The following DPYD variants were observed in gnomAD, a reference collection of about 807,000 sequenced individuals.
DPYD encodes the protein dihydropyrimidine dehydrogenase.
A neutral mutation model predicts 116.2 loss-of-function variants in DPYD; 109 were observed. The observed-to-expected ratio is 0.94, with a 90% CI of 0.80 to 1.10. The LOEUF (loss-of-function observed/expected upper bound fraction) is 1.10. Among genes scored for constraint, DPYD ranks in the 50% least tolerant of loss-of-function variants. The probability of loss-of-function intolerance (pLI) is 0.00; values close to 1 mark genes in which losing one functional copy is unlikely to be tolerated. For synonymous variants in DPYD, 440 were observed against 432.0 expected, an observed-to-expected ratio of 1.02 and a Z score of -0.23; for missense variants, 1,302 against 1,254.5, an observed-to-expected ratio of 1.04 and a Z score of -0.57.
chr1:97,912,577 T>C (rs571413097), intron 1 of DPYD, among the ~76,000 whole-genome samples: 2 of 152,262 alleles, frequency 1.3e-5, no homozygotes, highest in African/African-American at 4.8e-5. Flanking sequence ...TGACTATGTA[T>C]CTTTGGGGTC....
chr1:97,305,865 A>G (rs925457235), intron 17 of DPYD, among the ~76,000 whole-genome samples: 3 of 151,876 alleles, frequency 2.0e-5, no homozygotes, highest in African/African-American at 7.3e-5. Context: ...GAATTGTTAC[A>G]TTATGAGGTC....
chr1:97,355,302 C>T (rs1670371894), intron 16 of DPYD, among the ~76,000 whole-genome samples: 1 of 151,782 alleles, frequency 6.6e-6, no homozygotes, highest in Non-Finnish European at 1.5e-5. Flanking sequence ...ATTTGAGTTA[C>T]CAAGTGATGT....
intron 20 of DPYD, among the ~76,000 whole-genome samples, chr1:97,189,296 A>G (rs1033421574): frequency 6.6e-6 from 1 of 152,190 alleles, no homozygotes; most frequent in Admixed American, 6.6e-5. Flanking sequence ...GAATAGCTCA[A>G]AAAGTGATGC....
At chr1:97,100,899 A>G (rs973516647) in intron 20 of DPYD, among the ~76,000 whole-genome samples, 5 of 152,038 alleles carry the variant, frequency 3.3e-5, no homozygotes, top group Non-Finnish European at 7.4e-5. Flanking sequence ...GATTGACCAC[A>G]TTTGCCATAC....
chr1:97,373,570 G>T lies in DPYD; in HGVS notation c.2049C>A (p.Ala683=). ...HGMGERGMGL[A]CGQDPELVRN... The stretch of plus-strand genomic sequence containing the variant: ...CTGTCAAGGTCCTTACCTGCCCACA[G>T]GCCAGGCCCATTCCTCTTTCTCCCA... Residue 683 remains alanine, a synonymous_variant, in exon 16 of 23, where the codon GCC becomes GCA. Transcript: ENST00000370192. 1 of 1,613,592 alleles carries T rather than the reference G, an allele frequency of 6.2e-7. No individual in the cohort carries two copies. Among genetic ancestry groups the T allele is most frequent in the Non-Finnish European group, 8.5e-7 (1 of 1,179,790 alleles).
chr1:97,084,737 T>A (rs1649395684), intron 21 of DPYD, among the ~76,000 whole-genome samples: 1 of 152,210 alleles, frequency 6.6e-6, no homozygotes. Context: ...ATCAGCACTC[T>A]GCTATGCTGA....
intron 16 of DPYD, among the ~76,000 whole-genome samples, chr1:97,347,606 T>A (rs1207696612): frequency 6.6e-6 from 1 of 152,090 alleles, no homozygotes; most frequent in Non-Finnish European, 1.5e-5. Flanking sequence ...TTTCTTACAC[T>A]AATCTTTCAA....
intron 10 of DPYD, among the ~76,000 whole-genome samples, chr1:97,582,786 G>A (rs746791922): frequency 1.3e-5 from 2 of 152,292 alleles, no homozygotes; most frequent in South Asian, 4.1e-4. Context: ...CCAAATGAGA[G>A]TTGTACTACA....
intron 18 of DPYD, among the ~76,000 whole-genome samples, chr1:97,254,069 T>A (rs1282919214): frequency 2.6e-5 from 4 of 152,160 alleles, no homozygotes; most frequent in South Asian, 2.1e-4. Context: ...TATCTAAATC[T>A]CACAGAATCT....
intron 18 of DPYD, among the ~76,000 whole-genome samples, chr1:97,256,303 C>T (rs546583113): frequency 1.3e-5 from 2 of 152,084 alleles, no homozygotes; most frequent in African/African-American, 4.8e-5. Context: ...CTCATCCTTC[C>T]TTCTCTCTTT....
At chr1:97,300,839 C>T (rs150363761) in intron 18 of DPYD, among the ~76,000 whole-genome samples, 255 of 152,132 alleles carry the variant, frequency 1.7e-3, no homozygotes, top group Non-Finnish European at 2.9e-3. Context: ...AAGTCGATGC[C>T]TAAAATCCCT....
At chr1:97,780,039 T>TAG (rs1666647437) in intron 3 of DPYD, among the ~76,000 whole-genome samples, 1 of 152,214 alleles carries the variant, frequency 6.6e-6, no homozygotes, top group Non-Finnish European at 1.5e-5. Flanking sequence ...GTGAAGCTTC[T>TAG]AAAATCAAGT....
At chr1:97,514,350 T>C in intron 13 of DPYD, 1 of 608,626 alleles carries the variant, frequency 1.6e-6, no homozygotes, top group Non-Finnish European at 2.1e-6. Context: ...AAACACCTCT[T>C]TTTTTCAGCT....
chr1:97,430,543 C>T (rs1420711719), intron 14 of DPYD, among the ~76,000 whole-genome samples: 12 of 151,600 alleles, frequency 7.9e-5, no homozygotes, highest in Non-Finnish European at 2.9e-5. Flanking sequence ...GAGCTGAAAT[C>T]GCGTCACTGC....
At chr1:97,156,761 T>TA (rs1204512998) in intron 20 of DPYD, among the ~76,000 whole-genome samples, 1 of 151,948 alleles carries the variant, frequency 6.6e-6, no homozygotes, top group Non-Finnish European at 1.5e-5. Flanking sequence ...GCCATCCCAT[T>TA]ACTGGGTATA....
Position 97,630,133 on chromosome 1 carries a change from T to G in DPYD, c.851-34967A>C, listed in dbSNP as rs886885112. On this transcript the variant is annotated intron_variant, in intron 8 of 22. Transcript: ENST00000370192. ...GTCAGTGAAGAACGTCTATGCTGTT[T>G]ATAGTTTTTGGCTATTACGGATAAA... is the stretch of plus-strand genomic sequence containing the variant. Among the ~76,000 whole-genome samples, 5 of 152,074 alleles carry G rather than the reference T, an allele frequency of 3.3e-5. No homozygotes were observed. In the East Asian group the frequency reaches 9.7e-4, roughly 29 times the overall value.
In DPYD at chr1:97,673,956, AG is replaced by A. The variant is rs1232983929; in HGVS notation, c.850+5138del. On this transcript the variant is annotated intron_variant, in intron 8 of 22. Coordinates refer to ENST00000370192, the MANE Select transcript of DPYD (RefSeq NM_000110.4). Reference sequence around the variant, plus strand: ...GAATGGCTGAATCACATAATTTAATAGGAGAAGTGACTAGAGACATAGCTGT... The same window carrying A: ...GAATGGCTGAATCACATAATTTAATAGAGAAGTGACTAGAGACATAGCTGT... Among the ~76,000 whole-genome samples, 7 of 152,344 alleles carry A rather than the reference AG, an allele frequency of 4.6e-5. No individual in the cohort carries two copies. The East Asian group carries it at 1.3e-3, about 29-fold the overall frequency.
intron 3 of DPYD, among the ~76,000 whole-genome samples, chr1:97,784,248 T>A (rs867829390): frequency 1.6e-5 from 2 of 127,130 alleles, no homozygotes; most frequent in South Asian, 5.9e-4. Context: ...TTTCCTTAGA[T>A]ATAAGCCATG....
At chr1:97,193,469 A>G (rs564538480) in intron 19 of DPYD, among the ~76,000 whole-genome samples, 1 of 152,254 alleles carries the variant, frequency 6.6e-6, no homozygotes, top group Admixed American at 6.5e-5. Flanking sequence ...TAAACTTGCA[A>G]TGGTAATGGT....
Sources: allele counts gnomAD v4.1 joint callset (sites outside exome capture counted in the v4.1 genomes callset), GRCh38; gene constraint gnomAD v4.1.1; transcripts MANE v1.5; gene names NCBI Gene and HGNC (gene_info 2026-07-23, HGNC 2026-07-21).